The following FGF2 variants were observed in gnomAD, a reference collection of about 807,000 sequenced individuals.
The protein encoded by FGF2 is fibroblast growth factor 2.
Under a neutral mutation model 15.9 loss-of-function variants are expected in FGF2, and 13 were observed. That is an observed-to-expected ratio of 0.82 (90% CI 0.53 to 1.30). The LOEUF is 1.30. Ranked by LOEUF, FGF2 falls within the 50% of genes most tolerant of loss-of-function variation. FGF2 has a pLI of 0.00. For synonymous variants in FGF2, 90 were observed against 78.4 expected (o/e 1.15, Z -0.78); for missense variants, 163 against 196.9 (o/e 0.83, Z 1.03).
intron 1 of FGF2, among the ~76,000 whole-genome samples, chr4:122,865,204 C>T (rs1049414518): frequency 6.6e-6 from 1 of 152,150 alleles, no homozygotes; most frequent in Non-Finnish European, 1.5e-5. Flanking sequence ...TCCCATTAAA[C>T]ATGCTGAGTT....
intron 1 of FGF2, among the ~76,000 whole-genome samples, chr4:122,859,662 A>ACACACACACG (rs1248716726): frequency 3.3e-5 from 5 of 152,094 alleles, no homozygotes; most frequent in African/African-American, 9.7e-5. Context: ...ATACACACAC[A>ACACACACACG]CACACACACA....
chr4:122,830,639 C>A (rs1360741676), intron 1 of FGF2, among the ~76,000 whole-genome samples: 1 of 151,966 alleles, frequency 6.6e-6, no homozygotes, highest in Non-Finnish European at 1.5e-5. Flanking sequence ...TCTTTCAATG[C>A]GGTGGGAATG....
intron 1 of FGF2, among the ~76,000 whole-genome samples, chr4:122,830,503 A>G (rs778895324): frequency 6.6e-6 from 1 of 152,192 alleles, no homozygotes; most frequent in Non-Finnish European, 1.5e-5. Context: ...GTCCTGGAAT[A>G]ATCTTCATTT....
chr4:122,892,626 G>A lies in FGF2; in HGVS notation c.*230G>A, dbSNP rs1321167905. The A allele has an allele frequency of 4.2e-6, 6 of 1,428,042 alleles. No individual in the cohort carries two copies. The highest frequency in any genetic ancestry group is 1.4e-5 in the African/African-American group (1 of 69,450). 88.5% of individuals were successfully genotyped at this position (1,428,042 alleles called of 1,614,324 possible). A position where few individuals can be genotyped will look rare whatever the true frequency, so the allele number is the denominator to read the frequency against. ...ATTGCATCTGCTGTTACCCAGTGAA[G>A]CTTACCTAGAGCAATGATCTTTTTC... On this transcript the variant is annotated 3_prime_UTR_variant, in exon 3 of 3. Transcript: ENST00000644866.
chr4:122,858,438 C>G (rs1157406997), intron 1 of FGF2, among the ~76,000 whole-genome samples: 1 of 151,940 alleles, frequency 6.6e-6, no homozygotes, highest in Non-Finnish European at 1.5e-5. Context: ...CGATCTGTCA[C>G]CCAGGCTGGA....
chr4:122,872,763 T>G (rs1578473196), intron 1 of FGF2, among the ~76,000 whole-genome samples: 1 of 152,178 alleles, frequency 6.6e-6, no homozygotes, highest in African/African-American at 2.4e-5. Flanking sequence ...GAATTTCATA[T>G]CCAGCCACAC....
intron 1 of FGF2, among the ~76,000 whole-genome samples, chr4:122,856,647 A>G (rs1040707865): frequency 2.0e-5 from 3 of 152,230 alleles, no homozygotes; most frequent in Admixed American, 2.0e-4. Flanking sequence ...TTTTGAGATA[A>G]TTATAGATTC....
intron 2 of FGF2, chr4:122,884,494 C>G (rs1480784767): frequency 6.6e-6 from 1 of 151,616 alleles, no homozygotes; most frequent in Non-Finnish European, 1.5e-5. Flanking sequence ...GATTCCATCT[C>G]AAAAAAATAA....
At chr4:122,846,932 TGCACG>T (rs1364301607) in intron 1 of FGF2, among the ~76,000 whole-genome samples, 1 of 152,162 alleles carries the variant, frequency 6.6e-6, no homozygotes, top group African/African-American at 2.4e-5. Flanking sequence ...ACACGATGGA[TGCACG>T]GGTGGGCTGT....
intron 1 of FGF2, among the ~76,000 whole-genome samples, chr4:122,847,895 C>G (rs1578458058): frequency 6.6e-6 from 1 of 152,212 alleles, no homozygotes; most frequent in East Asian, 1.9e-4. Context: ...GGAGGGCAAT[C>G]TACTCTACTC....
At position 122,894,664 on chromosome 4, in the gene FGF2, T is replaced by C. The variant is rs1052173563; in HGVS notation, c.*2268T>C. The C allele has an allele frequency of 1.3e-5, 2 of 152,238 alleles. No individual in the cohort carries two copies. Among genetic ancestry groups the C allele is most frequent in the Non-Finnish European group, 2.9e-5 (2 of 68,038 alleles). The allele number at this position is 152,238 out of a possible 1,614,324, so 9.4% of individuals were successfully genotyped here. A position where few individuals can be genotyped will look rare whatever the true frequency, so the allele number is the denominator to read the frequency against. ...AATACATTTGTTATTAAATTTATTA[T>C]TTAAGATGGTAGCACTAGTCTTAAA... On this transcript the variant is annotated 3_prime_UTR_variant, in exon 3 of 3. Transcript: ENST00000644866.
intron 1 of FGF2, among the ~76,000 whole-genome samples, chr4:122,853,290 C>T (rs886374615): frequency 1.3e-5 from 2 of 152,102 alleles, no homozygotes; most frequent in African/African-American, 4.8e-5. Context: ...AGAGTGAGAT[C>T]CTGTCTCAAA....
In FGF2 at chr4:122,893,541, G is replaced by C; in HGVS notation, c.*1145G>C. The C allele has an allele frequency of 4.6e-6, 1 of 218,020 alleles. No individual in the cohort carries two copies. Among genetic ancestry groups the C allele is most frequent in the Admixed American group, 5.6e-5 (1 of 17,944 alleles). 13.5% of individuals were successfully genotyped at this position (218,020 alleles called of 1,614,324 possible). On this transcript the variant is annotated 3_prime_UTR_variant, in exon 3 of 3. Transcript: ENST00000644866. ...CTTTTTCCCAAAAGGTAAAAATATAGATTGAAAAGTTAAAACATTTTGCAT... is the reference window on the plus strand; with the variant it reads ...CTTTTTCCCAAAAGGTAAAAATATACATTGAAAAGTTAAAACATTTTGCAT...
chr4:122,837,866 A>G (rs147266506), intron 1 of FGF2, among the ~76,000 whole-genome samples: 48 of 152,264 alleles, frequency 3.2e-4, no homozygotes, highest in Non-Finnish European at 6.2e-4. Flanking sequence ...AGACTTATTA[A>G]CATTATTTCC....
chr4:122,833,684 A>G (rs1054882026), intron 1 of FGF2, among the ~76,000 whole-genome samples: 1 of 152,184 alleles, frequency 6.6e-6, no homozygotes, highest in Non-Finnish European at 1.5e-5. Flanking sequence ...TGAGGAAAAC[A>G]TTCTCTGTGG....
In FGF2 at chr4:122,827,517, C is replaced by G. The variant is rs1436694521; in HGVS notation, c.178+165C>G. ...GCGGTTTCGGGTTCACCACTCACCC[C>G]CTCCTTTCCGGGCTGCGGCGTAGGC... On this transcript the variant is annotated intron_variant, in intron 1 of 2. Transcript: ENST00000644866. This position sits in a 1 kb window ranked among gnomAD's most constrained non-coding sequence, Gnocchi z 4.2. Among the ~76,000 whole-genome samples the G allele has an allele frequency of 6.6e-6, 1 of 152,178 alleles. No homozygotes were observed. Among genetic ancestry groups the G allele is most frequent in the African/African-American group, 2.4e-5 (1 of 41,454 alleles).
intron 1 of FGF2, among the ~76,000 whole-genome samples, chr4:122,843,781 A>G (rs1043298985): frequency 6.6e-6 from 1 of 152,244 alleles, no homozygotes; most frequent in South Asian, 2.1e-4. Context: ...GGTTAAGTGT[A>G]CAGTAGCATT....
At position 122,892,850 on chromosome 4, in the gene FGF2, T is replaced by G. The variant is rs1285992854; in HGVS notation, c.*454T>G. ...AATTTAATCAATTCCTTTCATAGTT[T>G]TATAATTCTCTGGCAGTTCCTTATG... On this transcript the variant is annotated 3_prime_UTR_variant, in exon 3 of 3. Coordinates refer to ENST00000644866, the MANE Select transcript of FGF2 (RefSeq NM_001361665.2). 1.9e-6 allele frequency: 3 copies of G among 1,606,054 alleles called. No homozygotes were observed. In the South Asian group the frequency reaches 3.4e-5, roughly 18 times the overall value.
At chr4:122,839,992 A>T (rs929214827) in intron 1 of FGF2, among the ~76,000 whole-genome samples, 6 of 152,070 alleles carry the variant, frequency 3.9e-5, no homozygotes, top group South Asian at 4.2e-4. Context: ...AGATCTTTCC[A>T]CTGTGCTTGT....
Sources: gnomAD v4.1 joint callset for allele counts (sites outside exome capture counted in the v4.1 genomes callset) on GRCh38, gnomAD v4.1.1 for gene constraint, Gnocchi (gnomAD v3.1) non-coding constraint, MANE v1.5 for transcripts, NCBI Gene and HGNC (gene_info 2026-07-23, HGNC 2026-07-21) for gene names.